FLVCR2: variants seen among roughly 807,000 people sequenced by gnomAD.
FLVCR2 encodes choline/ethanolamine transporter FLVCR2.
A neutral mutation model predicts 48.9 loss-of-function variants in FLVCR2; 38 were observed. That is an observed-to-expected ratio of 0.78 (90% CI 0.60 to 1.02). FLVCR2 has a LOEUF of 1.02. Among genes scored for constraint, FLVCR2 ranks in the 50% least tolerant of loss-of-function variants. The pLI is 0.00. For missense variants in FLVCR2, 664 were observed against 663.3 expected (o/e 1.00, Z -0.01); for synonymous variants, 255 against 257.0 (o/e 0.99, Z 0.07).
rs1890433358 is a variant in FLVCR2 at position 75,646,879 on chromosome 14, G to A, written c.*407G>A. 3.2e-6 allele frequency: 1 copy of A among 308,986 alleles called. No homozygotes were observed. The allele number at this position is 308,986 out of a possible 1,614,324, so 19.1% of individuals were successfully genotyped here. A position where few individuals can be genotyped will look rare whatever the true frequency, so the allele number is the denominator to read the frequency against. On this transcript the variant is annotated 3_prime_UTR_variant, in exon 10 of 10. Transcript: ENST00000238667. ...ACTTGAAATTTCCAGTGTCCTAAGA[G>A]CCTCTCATGAAGCCCAGTTCTAATA...
chr14:75,638,447 A>G (rs753824707), intron 5 of FLVCR2, among the ~76,000 whole-genome samples: 3 of 152,022 alleles, frequency 2.0e-5, no homozygotes, highest in Admixed American at 6.6e-5. Context: ...CAAAAAAAGG[A>G]CAAAAGAAAA....
intron 7 of FLVCR2, 51 bp downstream of exon 7, chr14:75,641,111 T>A: frequency 6.4e-7 from 1 of 1,559,638 alleles, no homozygotes; most frequent in Non-Finnish European, 8.8e-7. Context: ...CATTGCATCA[T>A]GGCAGCTCAG....
At chr14:75,579,749 C>A in intron 1 of FLVCR2, 108 bp downstream of exon 1, 1 of 1,255,844 alleles carries the variant, frequency 8.0e-7, no homozygotes. Context: ...GTTTGTGACT[C>A]TGGGTGACAG....
At chr14:75,589,007 C>T (rs941512865) in intron 1 of FLVCR2, among the ~76,000 whole-genome samples, 1 of 152,124 alleles carries the variant, frequency 6.6e-6, no homozygotes, top group African/African-American at 2.4e-5. Flanking sequence ...TTCCTCTCCA[C>T]CTCTGAACCT....
intron 3 of FLVCR2, among the ~76,000 whole-genome samples, chr14:75,627,787 T>C (rs1321327663): frequency 6.6e-6 from 1 of 152,212 alleles, no homozygotes; most frequent in Non-Finnish European, 1.5e-5. Flanking sequence ...AACAAGAGGC[T>C]GCCTGAAAAT....
At chr14:75,604,396 G>T (rs1386070540) in intron 1 of FLVCR2, 2 of 152,130 alleles carry the variant, frequency 1.3e-5, no homozygotes, top group Admixed American at 1.3e-4. Context: ...GACAATATGT[G>T]GACAGCATTT....
At chr14:75,637,728 C>CA (rs59847223) in intron 5 of FLVCR2, among the ~76,000 whole-genome samples, 1,913 of 83,876 alleles carry the variant, frequency 0.023, 13 homozygotes, top group Middle Eastern at 0.061. Context: ...GACTCCATCT[C>CA]AAAAAAAAAA....
intron 3 of FLVCR2, 25 bp from the exon 4 acceptor site, chr14:75,633,604 T>G: frequency 6.3e-7 from 1 of 1,598,864 alleles, no homozygotes; most frequent in Non-Finnish European, 8.6e-7. Flanking sequence ...GACCCTAATG[T>G]TGTATTTCTC....
chr14:75,588,140 T>G (rs914448739), intron 1 of FLVCR2, among the ~76,000 whole-genome samples: 1 of 152,242 alleles, frequency 6.6e-6, no homozygotes, highest in African/African-American at 2.4e-5. Context: ...AATGCCTTAG[T>G]TTGTTTTATG....
chr14:75,592,594 A>G (rs965613354), intron 1 of FLVCR2, among the ~76,000 whole-genome samples: 2 of 152,176 alleles, frequency 1.3e-5, no homozygotes, highest in Non-Finnish European at 2.9e-5. Flanking sequence ...CTAAATTTTA[A>G]TGCTCTGCTT....
chr14:75,641,027 C>T lies in FLVCR2; in HGVS notation c.1308C>T (p.Gly436=), dbSNP rs919704518. 45 of 1,613,986 alleles carry T rather than the reference C, an allele frequency of 2.8e-5. No homozygotes were observed. Among genetic ancestry groups the T allele is most frequent in the Non-Finnish European group, 3.8e-5 (45 of 1,179,824 alleles). The part of the protein sequence containing the change: ...AVELTYPESE[G]ISSGLLNISA... ...AGCTCACGTACCCAGAATCAGAAGG[C>T]ATCTCCTCCGGCCTCCTCAACATAT... The change falls in exon 7 of 10, where the codon GGC becomes GGT. Residue 436 remains glycine, a synonymous_variant. Transcript: ENST00000238667.
chr14:75,597,119 A>C (rs1889042010), intron 1 of FLVCR2, among the ~76,000 whole-genome samples: 1 of 151,902 alleles, frequency 6.6e-6, no homozygotes, highest in South Asian at 2.1e-4. Context: ...CTGTCTCCAC[A>C]AAAAGTACGA....
intron 9 of FLVCR2, among the ~76,000 whole-genome samples, chr14:75,645,832 C>T (rs1890408045): frequency 6.7e-6 from 1 of 148,424 alleles, no homozygotes; most frequent in African/African-American, 2.5e-5. Flanking sequence ...GCAAGAGAAT[C>T]ACTTGAACCT....
intron 8 of FLVCR2, 36 bp downstream of exon 8, chr14:75,641,329 T>G: frequency 6.9e-7 from 1 of 1,439,968 alleles, no homozygotes; most frequent in South Asian, 1.1e-5. Context: ...GAGGCTCAGG[T>G]TGGCCATTTG....
chr14:75,640,044 G>A (rs1890268588), intron 6 of FLVCR2, among the ~76,000 whole-genome samples: 1 of 152,162 alleles, frequency 6.6e-6, no homozygotes, highest in Non-Finnish European at 1.5e-5. Context: ...CAGATCACAA[G>A]GTCAGGAGTT....
intron 6 of FLVCR2, among the ~76,000 whole-genome samples, chr14:75,640,325 T>A (rs1211252756): frequency 2.0e-5 from 3 of 149,336 alleles, no homozygotes; most frequent in Non-Finnish European, 4.5e-5. Context: ...TGAGAAAACA[T>A]AGGAAACAAT....
intron 5 of FLVCR2, 95 bp from the exon 6 acceptor site, chr14:75,639,257 C>G (rs180846267): frequency 1.2e-6 from 1 of 819,314 alleles, no homozygotes; most frequent in Admixed American, 2.0e-5. Flanking sequence ...GCTTGACATG[C>G]GGCAGATACT....
intron 4 of FLVCR2, 28 bp from the exon 5 acceptor site, chr14:75,634,882 G>A (rs1460815389): frequency 1.3e-6 from 2 of 1,516,190 alleles, no homozygotes; most frequent in Admixed American, 3.4e-5. Flanking sequence ...CCATCGCCGG[G>A]TGATCTTTGG....
At chr14:75,594,239 G>T (rs1888962143) in intron 1 of FLVCR2, among the ~76,000 whole-genome samples, 1 of 150,268 alleles carries the variant, frequency 6.7e-6, no homozygotes, top group Non-Finnish European at 1.5e-5. Context: ...ATTCTGATTA[G>T]GACCACCTAA....
Sources: allele counts gnomAD v4.1 joint callset (sites outside exome capture counted in the v4.1 genomes callset), GRCh38; gene constraint gnomAD v4.1.1; transcripts MANE v1.5; gene names NCBI Gene and HGNC (gene_info 2026-07-23, HGNC 2026-07-21).